Variants in EXOC2 observed in about 807,000 individuals in gnomAD.
EXOC2 encodes SEC5-like 1.
In EXOC2, 70 loss-of-function variants were observed where a neutral mutation model predicts 131.8. The observed-to-expected ratio is 0.53, with a 90% CI of 0.44 to 0.65. EXOC2 has a LOEUF of 0.65. Among genes scored for constraint, EXOC2 ranks in the 30% least tolerant of loss-of-function variants. The probability of loss-of-function intolerance (pLI) is 0.00; values close to 1 mark genes in which losing one functional copy is unlikely to be tolerated. For missense variants in EXOC2, 923 were observed against 1,108.6 expected, an observed-to-expected ratio of 0.83 and a Z score of 2.38; for synonymous variants, 411 against 398.4, an observed-to-expected ratio of 1.03 and a Z score of -0.38.
chr6:563,959 T>G (rs1757829889), intron 16 of EXOC2, 74 bp downstream of exon 16: 1 of 1,562,144 alleles, frequency 6.4e-7, no homozygotes, highest in Non-Finnish European at 8.7e-7. Flanking sequence ...TTTTCAAGGA[T>G]TTGGACACTG....
intron 23 of EXOC2, among the ~76,000 whole-genome samples, chr6:502,404 T>TA (rs1764271589): frequency 6.6e-6 from 1 of 152,102 alleles, no homozygotes; most frequent in African/African-American, 2.4e-5. Context: ...GAGTGCTGAC[T>TA]AAAAAGCAGA....
At position 562,865 on chromosome 6, in the gene EXOC2, C is replaced by G; in HGVS notation, c.1790-20G>C. 6.5e-7 allele frequency: 1 copy of G among 1,527,726 alleles called. No individual in the cohort carries two copies. Among genetic ancestry groups the G allele is most frequent in the Non-Finnish European group, 8.9e-7 (1 of 1,128,658 alleles). The allele number at this position is 1,527,726 out of a possible 1,614,324, so 94.6% of individuals were successfully genotyped here. On this transcript the variant is annotated intron_variant, in intron 16 of 27. Transcript: ENST00000230449. ...TTATTTCTATATGAGAAGAAGCACA[C>G]AAATACTTTATTATAATTATCTCAC...
intron 23 of EXOC2, among the ~76,000 whole-genome samples, chr6:514,165 G>A (rs932058174): frequency 6.6e-6 from 1 of 152,152 alleles, no homozygotes; most frequent in African/African-American, 2.4e-5. Flanking sequence ...CTTCCAGGCC[G>A]ACAAGTAACC....
intron 1 of EXOC2, among the ~76,000 whole-genome samples, chr6:659,538 G>A (rs1301727367): frequency 6.6e-6 from 1 of 152,234 alleles, no homozygotes; most frequent in African/African-American, 2.4e-5. Context: ...AATACTGTGA[G>A]TGCCCCAACT....
Position 637,990 on chromosome 6 carries a change from G to A in EXOC2, c.-43-129C>T. 12 of 611,552 alleles carry A rather than the reference G, an allele frequency of 2.0e-5. No individual in the cohort carries two copies. The South Asian group carries it at 2.2e-4, about 11-fold the overall frequency. The allele number at this position is 611,552 out of a possible 1,614,324, so 37.9% of individuals were successfully genotyped here. ...TAAACACAGAGTTTTGAATTTTTTA[G>A]GGGTCATTTAGCCAATCAGCCAACA... On this transcript the variant is annotated intron_variant, in intron 1 of 27. Coordinates refer to ENST00000230449, the MANE Select transcript of EXOC2 (RefSeq NM_018303.6).
At chr6:593,427 C>T (rs938870541) in intron 10 of EXOC2, among the ~76,000 whole-genome samples, 1 of 152,128 alleles carries the variant, frequency 6.6e-6, no homozygotes, top group Non-Finnish European at 1.5e-5. Flanking sequence ...TCCACACTCA[C>T]GACTGAGAAA....
chr6:620,305 A>G (rs1160639338), intron 4 of EXOC2, among the ~76,000 whole-genome samples: 1 of 152,192 alleles, frequency 6.6e-6, no homozygotes, highest in Non-Finnish European at 1.5e-5. Flanking sequence ...GATGAAATCC[A>G]AGCATGTCTA....
chr6:665,385 A>G (rs890666944), intron 1 of EXOC2, among the ~76,000 whole-genome samples: 3 of 152,204 alleles, frequency 2.0e-5, no homozygotes, highest in African/African-American at 7.2e-5. Flanking sequence ...AGATTCCTTA[A>G]AGAACTAAAA....
chr6:673,931 T>C (rs1174724898), intron 1 of EXOC2, among the ~76,000 whole-genome samples: 2 of 152,196 alleles, frequency 1.3e-5, no homozygotes, highest in Non-Finnish European at 2.9e-5. Context: ...TTAAAAAAAG[T>C]ATTATCTGTG....
At chr6:531,219 G>C (rs1390689742) in intron 23 of EXOC2, among the ~76,000 whole-genome samples, 1 of 152,260 alleles carries the variant, frequency 6.6e-6, no homozygotes, top group African/African-American at 2.4e-5. Context: ...GTGAGGTGGA[G>C]CATTGGGGCA....
chr6:539,095 C>A (rs1188767495), intron 22 of EXOC2, among the ~76,000 whole-genome samples: 2 of 151,380 alleles, frequency 1.3e-5, no homozygotes, highest in East Asian at 3.9e-4. Flanking sequence ...AAGAAAATAT[C>A]ATAAGTAGAA....
chr6:633,313 T>G (rs1292225032), intron 2 of EXOC2, among the ~76,000 whole-genome samples, 196 bp from the exon 3 acceptor site: 3 of 152,226 alleles, frequency 2.0e-5, no homozygotes, highest in African/African-American at 7.2e-5. Flanking sequence ...TTAAGACTTC[T>G]TTTAGGCTAC....
chr6:558,562 G>A (rs1034101167), intron 17 of EXOC2, among the ~76,000 whole-genome samples: 33 of 152,168 alleles, frequency 2.2e-4, no homozygotes, highest in African/African-American at 6.3e-4. Flanking sequence ...TCGTAATCCC[G>A]GCACTTTGGG....
intron 4 of EXOC2, among the ~76,000 whole-genome samples, chr6:621,984 G>A (rs1465629026): frequency 6.6e-6 from 1 of 152,198 alleles, no homozygotes; most frequent in African/African-American, 2.4e-5. Context: ...GTGACATGCT[G>A]AACCCCGGCT....
intron 1 of EXOC2, among the ~76,000 whole-genome samples, chr6:672,930 C>T (rs886572097): frequency 2.6e-5 from 4 of 152,120 alleles, no homozygotes; most frequent in East Asian, 3.9e-4. Flanking sequence ...GTGATCTAAA[C>T]GATAAGGTAA....
At chr6:562,428 T>C (rs1299944043) in intron 17 of EXOC2, among the ~76,000 whole-genome samples, 1 of 152,250 alleles carries the variant, frequency 6.6e-6, no homozygotes. Context: ...TTGTTTGGTT[T>C]GTTTTGGCTT....
At chr6:491,297 TA>T in intron 25 of EXOC2, 111 bp from the exon 26 acceptor site, 1 of 1,053,110 alleles carries the variant, frequency 9.5e-7, no homozygotes, top group African/African-American at 1.6e-5. Context: ...GGGGTTGGCG[TA>T]ATACCACCAT....
At chr6:539,916 A>C (rs544346640) in intron 22 of EXOC2, among the ~76,000 whole-genome samples, 1 of 152,240 alleles carries the variant, frequency 6.6e-6, no homozygotes, top group Non-Finnish European at 1.5e-5. Context: ...ACTGAACCAC[A>C]ACTTGTCAAA....
chr6:612,157 G>C (rs1374226680), intron 6 of EXOC2, among the ~76,000 whole-genome samples: 1 of 152,224 alleles, frequency 6.6e-6, no homozygotes, highest in African/African-American at 2.4e-5. Context: ...ATTCAAGCCG[G>C]ATGACAGATG....
Sources: gnomAD v4.1 joint callset for allele counts (sites outside exome capture counted in the v4.1 genomes callset) on GRCh38, gnomAD v4.1.1 for gene constraint, MANE v1.5 for transcripts, NCBI Gene and HGNC (gene_info 2026-07-23, HGNC 2026-07-21) for gene names.